Variants in STARD13 observed in about 807,000 individuals in gnomAD.
STARD13 encodes stAR-related lipid transfer protein 13.
Under a neutral mutation model 106.4 loss-of-function variants are expected in STARD13, and 62 were observed. That is an observed-to-expected ratio of 0.58 (90% CI 0.48 to 0.72). The LOEUF (loss-of-function observed/expected upper bound fraction) is 0.72, where lower values mean the gene tolerates loss of function less well. STARD13 is among the 30% of genes least tolerant of loss of function. STARD13 has a pLI of 0.00. For missense variants in STARD13, 1,387 were observed against 1,424.0 expected (o/e 0.97, Z 0.42); for synonymous variants, 565 against 553.0 (o/e 1.02, Z -0.31).
chr13:33,464,843 A>G, the STARD13 span, among the ~76,000 whole-genome samples: 429 of 152,278 alleles, frequency 2.8e-3, 4 homozygotes, highest in African/African-American at 9.9e-3. Flanking sequence ...TCTCCAAAAA[A>G]AAAATTGTTG....
the STARD13 span, among the ~76,000 whole-genome samples, chr13:33,609,332 AAATATGCTCAAC>A: frequency 6.6e-6 from 1 of 152,238 alleles, no homozygotes; most frequent in Admixed American, 6.5e-5. Context: ...CAGCATATGA[AAATATGCTCAAC>A]TTCACTAGTT....
the STARD13 span, among the ~76,000 whole-genome samples, chr13:33,674,698 A>C: frequency 6.6e-6 from 1 of 152,038 alleles, no homozygotes; most frequent in Non-Finnish European, 1.5e-5. Context: ...TTCAATAAAG[A>C]AAGTGTCATC....
chr13:33,523,117 C>T, the STARD13 span, among the ~76,000 whole-genome samples: 1 of 152,114 alleles, frequency 6.6e-6, no homozygotes, highest in Non-Finnish European at 1.5e-5. Flanking sequence ...ATCAACTTAG[C>T]TCCTTTCCTC....
the STARD13 span, among the ~76,000 whole-genome samples, chr13:33,607,945 TG>T: frequency 6.6e-6 from 1 of 152,232 alleles, no homozygotes; most frequent in Non-Finnish European, 1.5e-5. Context: ...AGTCTCACTT[TG>T]TTACCCAGGC....
chr13:33,574,297 CAT>C, the STARD13 span, among the ~76,000 whole-genome samples: 1 of 152,164 alleles, frequency 6.6e-6, no homozygotes, highest in African/African-American at 2.4e-5. Context: ...CTTTTTAACA[CAT>C]GAGAGAACAC....
At chr13:33,495,134 TA>T in the STARD13 span, among the ~76,000 whole-genome samples, 1 of 152,154 alleles carries the variant, frequency 6.6e-6, no homozygotes. Context: ...ATGTACACCA[TA>T]AAAATACTTC....
rs1427307915 is a variant in STARD13, at chr13:33,236,601, G to A, written c.169+48869C>T. ...TTCCTTAGCAATATGGTGGTCTAAT[G>A]CTGAGCATAAGGAAGCCAGTTAGGA... On this transcript the variant is annotated intron_variant, in intron 1 of 13. Transcript: ENST00000336934. Among the ~76,000 whole-genome samples, 3 of 152,198 alleles carry A rather than the reference G, an allele frequency of 2.0e-5. No homozygotes were observed. The East Asian group carries it at 5.8e-4, about 29-fold the overall frequency.
the STARD13 span, among the ~76,000 whole-genome samples, chr13:33,662,134 C>G: frequency 6.6e-6 from 1 of 151,374 alleles, no homozygotes; most frequent in Non-Finnish European, 1.5e-5. Flanking sequence ...TGGTGGTGGG[C>G]GCCTATAATC....
At chr13:33,452,016 T>C in the STARD13 span, among the ~76,000 whole-genome samples, 1 of 152,170 alleles carries the variant, frequency 6.6e-6, no homozygotes, top group African/African-American at 2.4e-5. Context: ...ATCAGAAAGA[T>C]TGAAGGAAGC....
chr13:33,429,456 T>C, the STARD13 span, among the ~76,000 whole-genome samples: 2 of 150,888 alleles, frequency 1.3e-5, no homozygotes, highest in Admixed American at 6.6e-5. Flanking sequence ...ATTAGCTGGG[T>C]GTGGCGGCAG....
chr13:33,551,773 T>G, the STARD13 span, among the ~76,000 whole-genome samples: 5 of 151,646 alleles, frequency 3.3e-5, no homozygotes, highest in Non-Finnish European at 5.9e-5. Context: ...CATTTTTGTA[T>G]TATTGATAGA....
At chr13:33,527,199 GTAATCCCT>G in the STARD13 span, among the ~76,000 whole-genome samples, 1 of 151,944 alleles carries the variant, frequency 6.6e-6, no homozygotes, top group African/African-American at 2.4e-5. Context: ...TTCTTGGAAT[GTAATCCCT>G]GATTTTTCAA....
At chr13:33,460,141 C>A in the STARD13 span, among the ~76,000 whole-genome samples, 1 of 151,842 alleles carries the variant, frequency 6.6e-6, no homozygotes, top group Non-Finnish European at 1.5e-5. Context: ...TTCTGTTTTC[C>A]CCTTTCTTTA....
the STARD13 span, among the ~76,000 whole-genome samples, chr13:33,486,580 G>A: frequency 1.5e-4 from 23 of 152,224 alleles, no homozygotes; most frequent in Admixed American, 1.3e-3. Context: ...GAGTGAAACC[G>A]CAGAGAAGTG....
At chr13:33,521,247 T>G in the STARD13 span, among the ~76,000 whole-genome samples, 3,528 of 152,110 alleles carry the variant, frequency 0.023, 100 homozygotes, top group African/African-American at 0.06. Context: ...TGAAATAGGG[T>G]TATGCAGGCT....
At chr13:33,442,522 A>G in the STARD13 span, among the ~76,000 whole-genome samples, 1 of 152,180 alleles carries the variant, frequency 6.6e-6, no homozygotes, top group African/African-American at 2.4e-5. Flanking sequence ...AGGTAAACAG[A>G]GTTTGAATTT....
chr13:33,279,279 A>ATTTTTCTAACTTGT (rs1891631009), intron 1 of STARD13, among the ~76,000 whole-genome samples: 2 of 152,212 alleles, frequency 1.3e-5, no homozygotes, highest in South Asian at 4.1e-4. Flanking sequence ...TAAGACCACT[A>ATTTTTCTAACTTGT]GCAGTGACTG....
At chr13:33,143,305 C>G (rs527687544) in intron 3 of STARD13, among the ~76,000 whole-genome samples, 3 of 152,294 alleles carry the variant, frequency 2.0e-5, no homozygotes, top group Non-Finnish European at 4.4e-5. Context: ...CTGTGCCCAG[C>G]CCCTCTTTCT....
chr13:33,621,987 T>C, the STARD13 span, among the ~76,000 whole-genome samples: 1 of 151,562 alleles, frequency 6.6e-6, no homozygotes, highest in Admixed American at 6.6e-5. Flanking sequence ...GTACTTTTAG[T>C]AGAGAAGGGG....
Sources: gnomAD v4.1 joint callset for allele counts (sites outside exome capture counted in the v4.1 genomes callset) on GRCh38, gnomAD v4.1.1 for gene constraint, MANE v1.5 for transcripts, NCBI Gene and HGNC (gene_info 2026-07-23, HGNC 2026-07-21) for gene names.